Variants in ROR2 observed in about 807,000 individuals in gnomAD.
The protein encoded by ROR2 is ROR family WNT receptor 2, also known as tyrosine-protein kinase transmembrane receptor ROR2.
ROR2 carries 33 observed loss-of-function variants against 74.9 expected under a neutral mutation model. The observed-to-expected ratio is 0.44, with a 90% CI of 0.33 to 0.59. The LOEUF is 0.59. Ranked by LOEUF, ROR2 falls within the 20% of genes least tolerant of loss-of-function variation. The pLI, the probability that ROR2 is intolerant of heterozygous loss-of-function variation, is 0.02. For missense variants in ROR2, 1,216 were observed against 1,313.8 expected, an observed-to-expected ratio of 0.93 and a Z score of 1.15; for synonymous variants, 586 against 558.7, an observed-to-expected ratio of 1.05 and a Z score of -0.69.
intron 1 of ROR2, among the ~76,000 whole-genome samples, chr9:91,925,878 G>C (rs1831382535): frequency 6.6e-6 from 1 of 152,162 alleles, no homozygotes; most frequent in African/African-American, 2.4e-5. Context: ...GTTTCCTCCT[G>C]GTGAGAAACA....
intron 1 of ROR2, among the ~76,000 whole-genome samples, chr9:91,782,297 G>C (rs942419380): frequency 6.6e-6 from 1 of 152,126 alleles, no homozygotes; most frequent in African/African-American, 2.4e-5. Flanking sequence ...CTAGTTTCAA[G>C]GAAGTAGCTC....
intron 1 of ROR2, among the ~76,000 whole-genome samples, chr9:91,817,048 G>A (rs1223903064): frequency 6.6e-6 from 1 of 152,228 alleles, no homozygotes; most frequent in Non-Finnish European, 1.5e-5. Context: ...CCTGTGGGGA[G>A]ACCCATGGGC....
At chr9:91,901,116 TTGTAAAAC>T (rs1280474919) in intron 1 of ROR2, among the ~76,000 whole-genome samples, 1 of 152,240 alleles carries the variant, frequency 6.6e-6, no homozygotes, top group Non-Finnish European at 1.5e-5. Flanking sequence ...AAGAACTGTC[TTGTAAAAC>T]TGTGTTACTT....
intron 1 of ROR2, among the ~76,000 whole-genome samples, chr9:91,824,087 C>A (rs1044893858): frequency 1.3e-5 from 2 of 152,240 alleles, no homozygotes; most frequent in Non-Finnish European, 2.9e-5. Flanking sequence ...ATAAGAATTT[C>A]ATGTGCCGAC....
At chr9:91,830,357 A>T (rs777160891) in intron 1 of ROR2, among the ~76,000 whole-genome samples, 19 of 152,212 alleles carry the variant, frequency 1.2e-4, no homozygotes, top group Non-Finnish European at 2.4e-4. Flanking sequence ...TGTTAGTCCA[A>T]GCTACCCTAG....
chr9:91,907,806 G>C (rs904641338), intron 1 of ROR2, among the ~76,000 whole-genome samples: 2 of 152,162 alleles, frequency 1.3e-5, no homozygotes, highest in African/African-American at 4.8e-5. Flanking sequence ...ATTGAGTCAT[G>C]AGCTTCCTGC....
At position 91,723,502 on chromosome 9, in the gene ROR2, G is replaced by A. The variant is rs1042965276; in HGVS notation, c.*160C>T. 25 of 1,160,270 alleles carry A rather than the reference G, an allele frequency of 2.2e-5. No homozygotes were observed. The African/African-American group carries it at 3.4e-4, about 16-fold the overall frequency. The allele number at this position is 1,160,270 out of a possible 1,614,324, so 71.9% of individuals were successfully genotyped here. A position where few individuals can be genotyped will look rare whatever the true frequency, so the allele number is the denominator to read the frequency against. ...GGCAGGGCAGCTCTCTGTGTCAGAG[G>A]ACAGAGAGGAGCAGGGCTCCACCTC... is the stretch of plus-strand genomic sequence containing the variant. On this transcript the variant is annotated 3_prime_UTR_variant, in exon 9 of 9. Transcript: ENST00000375708.
intron 1 of ROR2, among the ~76,000 whole-genome samples, chr9:91,805,176 A>G (rs1303964047): frequency 6.6e-6 from 1 of 152,208 alleles, no homozygotes; most frequent in East Asian, 1.9e-4. Context: ...GTCATGCAGA[A>G]GCCTCTGGTG....
chr9:91,916,955 C>A (rs1422723916), intron 1 of ROR2, among the ~76,000 whole-genome samples: 1 of 152,106 alleles, frequency 6.6e-6, no homozygotes, highest in African/African-American at 2.4e-5. Context: ...TCCCTGCCCC[C>A]ACAGACGCTC....
At chr9:91,946,246 C>T (rs1172240038) in intron 1 of ROR2, among the ~76,000 whole-genome samples, 1 of 152,160 alleles carries the variant, frequency 6.6e-6, no homozygotes, top group East Asian at 1.9e-4. Flanking sequence ...ACTTTGAAAC[C>T]TTACATGCTT....
intron 1 of ROR2, among the ~76,000 whole-genome samples, chr9:91,889,228 G>A (rs1430471277): frequency 1.3e-5 from 2 of 152,170 alleles, no homozygotes; most frequent in African/African-American, 4.8e-5. Context: ...TGAAGCTGCC[G>A]AGTGTGGGAC....
At chr9:91,742,588 C>A (rs1446251818) in intron 4 of ROR2, among the ~76,000 whole-genome samples, 1 of 152,232 alleles carries the variant, frequency 6.6e-6, no homozygotes, top group Admixed American at 6.5e-5. Context: ...TTTTGGTTAA[C>A]AGCAGACCAC....
chr9:91,893,979 G>A (rs547967886), intron 1 of ROR2, among the ~76,000 whole-genome samples: 11 of 152,292 alleles, frequency 7.2e-5, no homozygotes, highest in Non-Finnish European at 1.3e-4. Flanking sequence ...ACCCATCAGA[G>A]GGTGTTTTTT....
intron 1 of ROR2, among the ~76,000 whole-genome samples, chr9:91,839,275 T>TAA (rs1554681706): frequency 2.1e-4 from 31 of 145,968 alleles, no homozygotes; most frequent in African/African-American, 7.5e-4. Flanking sequence ...TGTGTGTGTG[T>TAA]GTGTGTGTGT....
intron 1 of ROR2, among the ~76,000 whole-genome samples, chr9:91,851,477 T>C (rs1339450353): frequency 1.3e-5 from 2 of 152,234 alleles, no homozygotes; most frequent in Admixed American, 1.3e-4. Flanking sequence ...CAATACATTT[T>C]GACACTGGGT....
At chr9:91,737,542 G>C (rs1250338567) in intron 4 of ROR2, 24 bp from the exon 5 acceptor site, 2 of 1,614,086 alleles carry the variant, frequency 1.2e-6, no homozygotes, top group East Asian at 2.2e-5. Flanking sequence ...CACAAAGTCT[G>C]TTAGAGCTCT....
intron 1 of ROR2, among the ~76,000 whole-genome samples, chr9:91,840,576 C>T (rs996397934): frequency 2.0e-5 from 3 of 152,240 alleles, no homozygotes; most frequent in African/African-American, 4.8e-5. Context: ...CAGCTGGGGG[C>T]CTTCCTCCTG....
At chr9:91,803,935 G>A (rs768977602) in intron 1 of ROR2, among the ~76,000 whole-genome samples, 4 of 152,370 alleles carry the variant, frequency 2.6e-5, no homozygotes, top group Non-Finnish European at 4.4e-5. Flanking sequence ...TTAGGGAGTT[G>A]ACTTTGAGGA....
chr9:91,747,324 C>T (rs1825453591), intron 4 of ROR2, among the ~76,000 whole-genome samples: 1 of 152,162 alleles, frequency 6.6e-6, no homozygotes, highest in Non-Finnish European at 1.5e-5. Flanking sequence ...GGATATCCAC[C>T]TCCCTCAACA....
Sources: allele counts gnomAD v4.1 joint callset (sites outside exome capture counted in the v4.1 genomes callset), GRCh38; gene constraint gnomAD v4.1.1; transcripts MANE v1.5; gene names NCBI Gene and HGNC (gene_info 2026-07-23, HGNC 2026-07-21).